The following ATG3 variants were observed in gnomAD, a reference collection of about 807,000 sequenced individuals.
ATG3 encodes ubiquitin-like-conjugating enzyme ATG3.
ATG3 carries 25 observed loss-of-function variants against 50.7 expected under a neutral mutation model. The observed-to-expected ratio is 0.49, with a 90% CI of 0.36 to 0.69. The LOEUF (loss-of-function observed/expected upper bound fraction) is 0.69, where lower values mean the gene tolerates loss of function less well. Ranked by LOEUF, ATG3 falls within the 30% of genes least tolerant of loss-of-function variation. The probability of loss-of-function intolerance (pLI) is 0.00; values close to 1 mark genes in which losing one functional copy is unlikely to be tolerated. For missense variants in ATG3, 281 were observed against 376.0 expected, an observed-to-expected ratio of 0.75 and a Z score of 2.09; for synonymous variants, 119 against 125.5, an observed-to-expected ratio of 0.95 and a Z score of 0.34.
Position 112,543,531 on chromosome 3 carries a change from A to T in ATG3, c.393+526T>A, listed in dbSNP as rs548131402. ...GATGCAAGCTAAAGTTTGCTTTCAA[A>T]TTTTCAAAAACAAATAAACCCCAAA... On this transcript the variant is annotated intron_variant, in intron 6 of 11. Transcript: ENST00000283290. Among the ~76,000 whole-genome samples the T allele has an allele frequency of 3.7e-4, 56 of 152,234 alleles. No individual in the cohort carries two copies. The South Asian group carries it at 0.011, about 29-fold the overall frequency.
chr3:112,560,804 A>G (rs1487664234), intron 1 of ATG3, among the ~76,000 whole-genome samples: 2 of 152,326 alleles, frequency 1.3e-5, no homozygotes, highest in African/African-American at 2.4e-5. Flanking sequence ...TGTTGCCAAT[A>G]TATTTTTAAA....
chr3:112,537,490 C>G lies in ATG3; in HGVS notation c.666+245G>C, dbSNP rs145293620. 214 of 294,512 alleles carry G rather than the reference C, an allele frequency of 7.3e-4. 2 individuals are homozygous for G. Among genetic ancestry groups the G allele is most frequent in the East Asian group, 5.0e-3 (83 of 16,504 alleles). The allele number at this position is 294,512 out of a possible 1,614,324, so 18.2% of individuals were successfully genotyped here. A position where few individuals can be genotyped will look rare whatever the true frequency, so the allele number is the denominator to read the frequency against. ...TTCCCTCACATTTTGAAGGCATAAG[C>G]CTTCAAAAAAGGAATATGTAATAGA... On this transcript the variant is annotated intron_variant, in intron 9 of 11. Transcript: ENST00000283290.
chr3:112,553,898 C>G (rs1050824316), intron 2 of ATG3, among the ~76,000 whole-genome samples: 18 of 152,120 alleles, frequency 1.2e-4, no homozygotes, highest in African/African-American at 4.1e-4. Context: ...AGTGCCAAAA[C>G]AATGGGAAAA....
At chr3:112,534,210 T>TAA in intron 11 of ATG3, 59 bp downstream of exon 11, 1 of 1,342,638 alleles carries the variant, frequency 7.4e-7, no homozygotes. Flanking sequence ...ACTAAATTTC[T>TAA]CAAAAAAAAA....
chr3:112,547,957 C>T (rs980874500), intron 5 of ATG3, among the ~76,000 whole-genome samples: 1 of 152,198 alleles, frequency 6.6e-6, no homozygotes, highest in African/African-American at 2.4e-5. Context: ...AAGTAGTATG[C>T]ATATTCAGCA....
At chr3:112,537,708 T>C in intron 9 of ATG3, 27 bp downstream of exon 9, 1 of 1,484,520 alleles carries the variant, frequency 6.7e-7, no homozygotes. Flanking sequence ...AATATTGATA[T>C]TAAAATATAA....
intron 9 of ATG3, among the ~76,000 whole-genome samples, chr3:112,537,369 C>T (rs1006267439): frequency 1.3e-5 from 2 of 152,086 alleles, no homozygotes; most frequent in African/African-American, 4.8e-5. Context: ...TACAACAATC[C>T]ACTCTCTTCA....
intron 2 of ATG3, among the ~76,000 whole-genome samples, chr3:112,553,789 T>C (rs1446595752): frequency 7.1e-6 from 1 of 139,914 alleles, no homozygotes; most frequent in Non-Finnish European, 1.6e-5. Flanking sequence ...AAGTCTACTT[T>C]ATTATATCAC....
chr3:112,558,098 A>C (rs1933738503), intron 2 of ATG3: 1 of 393,988 alleles, frequency 2.5e-6, no homozygotes, highest in South Asian at 3.4e-5. Flanking sequence ...CACCAATACA[A>C]GTCAAGGATA....
intron 3 of ATG3, 82 bp downstream of exon 3, chr3:112,553,198 C>T: frequency 8.7e-6 from 10 of 1,148,102 alleles, no homozygotes; most frequent in Non-Finnish European, 1.3e-5. Context: ...TAATTTTCAT[C>T]CATTAACCTA....
intron 7 of ATG3, 26 bp from the exon 8 acceptor site, chr3:112,538,206 T>C: frequency 3.2e-6 from 5 of 1,541,454 alleles, no homozygotes; most frequent in Admixed American, 1.9e-5. Context: ...AACAAAAGAT[T>C]AATCAAGTTC....
At chr3:112,550,969 A>G (rs912898293) in intron 3 of ATG3, among the ~76,000 whole-genome samples, 3 of 152,214 alleles carry the variant, frequency 2.0e-5, no homozygotes, top group African/African-American at 7.2e-5. Context: ...TATGATCACA[A>G]AACTTGGTGG....
chr3:112,542,549 GTTTAA>G (rs901732799), intron 6 of ATG3, among the ~76,000 whole-genome samples: 29 of 152,066 alleles, frequency 1.9e-4, no homozygotes, highest in Middle Eastern at 3.4e-3. Flanking sequence ...CTTAGGGGTG[GTTTAA>G]TTTAACACTA....
Position 112,538,186 on chromosome 3 carries a change from A to AT in ATG3, c.476-7dup, listed in dbSNP as rs748161283. On this transcript the variant is annotated splice_region_variant and splice_polypyrimidine_tract_variant and intron_variant, in intron 7 of 11. Transcript: ENST00000283290. ...CAATCCACTCTCTTCATATTCTGTT[A>AT]TAAAAAAACAACAAAAGATTAATCA... 1.3e-6 allele frequency: 2 copies of AT among 1,572,092 alleles called. No homozygotes were observed. The highest frequency in any genetic ancestry group is 1.7e-6 in the Non-Finnish European group (2 of 1,156,932).
intron 10 of ATG3, 64 bp from the exon 11 acceptor site, chr3:112,534,401 AT>A: frequency 1.5e-6 from 2 of 1,354,810 alleles, no homozygotes; most frequent in Non-Finnish European, 2.0e-6. Flanking sequence ...AGAAAAACAT[AT>A]TTTCATTTGT....
intron 11 of ATG3, 187 bp downstream of exon 11, chr3:112,534,082 C>A (rs1321882452): frequency 1.5e-6 from 2 of 1,328,812 alleles, no homozygotes; most frequent in Non-Finnish European, 1.9e-6. Flanking sequence ...ATGTTCTAAT[C>A]AACTAAGCAA....
chr3:112,561,140 T>C (rs573378411), intron 1 of ATG3, among the ~76,000 whole-genome samples: 6 of 152,260 alleles, frequency 3.9e-5, no homozygotes, highest in Admixed American at 3.9e-4. Context: ...AGACTTCCAG[T>C]GTTTGGATTT....
At chr3:112,533,213 T>A in intron 11 of ATG3, 1 of 985,474 alleles carries the variant, frequency 1.0e-6, no homozygotes, top group Non-Finnish European at 1.2e-6. Context: ...AGACTGATTC[T>A]AGGTTAGTGT....
At chr3:112,536,070 T>C (rs1933036881) in intron 10 of ATG3, 1 of 168,932 alleles carries the variant, frequency 5.9e-6, no homozygotes, top group African/African-American at 2.4e-5. Flanking sequence ...ATAGGTCACC[T>C]AGAAAAATCA....
Sources: allele counts gnomAD v4.1 joint callset (sites outside exome capture counted in the v4.1 genomes callset), GRCh38; gene constraint gnomAD v4.1.1; transcripts MANE v1.5; gene names NCBI Gene and HGNC (gene_info 2026-07-23, HGNC 2026-07-21).